BRSK2: variants seen among roughly 807,000 people sequenced by gnomAD.
BRSK2 encodes serine/threonine-protein kinase BRSK2.
Under a neutral mutation model 83.3 loss-of-function variants are expected in BRSK2, and 19 were observed. That is an observed-to-expected ratio of 0.23 (90% CI 0.16 to 0.33). The LOEUF is 0.33. BRSK2 is among the 10% of genes least tolerant of loss of function. The probability of loss-of-function intolerance (pLI) is 1.00; values close to 1 mark genes in which losing one functional copy is unlikely to be tolerated. For missense variants in BRSK2, 798 were observed against 1,042.3 expected, an observed-to-expected ratio of 0.77 and a Z score of 3.23; for synonymous variants, 519 against 435.4, an observed-to-expected ratio of 1.19 and a Z score of -2.39.
At position 1,458,809 on chromosome 11, in the gene BRSK2, T is replaced by C. The variant is rs140212275; in HGVS notation, c.1940-383T>C. ...AGGGCAGCCGGAAGCCACAGGGCCC[T>C]GGAGCTGCTGAGTGGCACAGTGAGG... On this transcript the variant is annotated intron_variant, in intron 18 of 19. Coordinates refer to ENST00000528841, the MANE Select transcript of BRSK2 (RefSeq NM_001256627.2). Among the ~76,000 whole-genome samples, 334 of 152,260 alleles carry C rather than the reference T, an allele frequency of 2.2e-3. 3 individuals carry two copies. Among genetic ancestry groups the C allele is most frequent in the Non-Finnish European group, 3.3e-3 (221 of 67,996 alleles).
chr11:1,454,408 A>G lies in BRSK2; in HGVS notation c.1545-77A>G. 6.4e-7 allele frequency: 1 copy of G among 1,560,028 alleles called. No homozygotes were observed. ...AGCGATGGAAGATTCCGCCGTTCCAACCCCAGATTCGAGGGAGGCAGGGGT... is the reference window on the plus strand; with the variant it reads ...AGCGATGGAAGATTCCGCCGTTCCAGCCCCAGATTCGAGGGAGGCAGGGGT... On this transcript the variant is annotated intron_variant, in intron 15 of 19. Transcript: ENST00000528841. This position sits in a 1 kb window ranked among gnomAD's most constrained non-coding sequence, Gnocchi z 5.2.
chr11:1,449,687 G>A, intron 12 of BRSK2, 89 bp from the exon 13 acceptor site: 2 of 1,190,984 alleles, frequency 1.7e-6, no homozygotes, highest in Non-Finnish European at 2.4e-6. Context: ...CAGGCCTCCT[G>A]GAGGGTTTAC....
At chr11:1,443,309 A>G in intron 6 of BRSK2, 26 bp from the exon 7 acceptor site, 1 of 1,592,326 alleles carries the variant, frequency 6.3e-7, no homozygotes, top group South Asian at 1.1e-5. Flanking sequence ...TGCGCCCCCC[A>G]ACAGCCCGGG....
rs758240213 is a variant in BRSK2 at position 1,442,482 on chromosome 11, C to T, written c.414-8C>T. The T allele has an allele frequency of 3.1e-6, 5 of 1,609,694 alleles. No individual in the cohort carries two copies. Among genetic ancestry groups the T allele is most frequent in the Admixed American group, 3.3e-5 (2 of 59,938 alleles). ...GGCCCTGTTCAGCCTCACCACCCTC[C>T]TCCCCAGCCACAGGGATCTGAAACC... is the stretch of plus-strand genomic sequence containing the variant. On this transcript the variant is annotated splice_polypyrimidine_tract_variant and splice_region_variant and intron_variant, in intron 4 of 19. Transcript: ENST00000528841.
rs537173445 is a variant in BRSK2 at position 1,455,058 on chromosome 11, C to A, written c.1668+450C>A. Among the ~76,000 whole-genome samples, 30 of 152,280 alleles carry A rather than the reference C, an allele frequency of 2.0e-4. 1 individual carries two copies. The South Asian group carries it at 6.0e-3, about 31-fold the overall frequency. ...CCCAGCCCTCAGGTGTCTCAGTTTC[C>A]CTGGTCTCACCCTGCCCTCGGAGGC... is the stretch of plus-strand genomic sequence containing the variant. On this transcript the variant is annotated intron_variant, in intron 16 of 19. Coordinates refer to ENST00000528841, the MANE Select transcript of BRSK2 (RefSeq NM_001256627.2).
chr11:1,422,258 C>A (rs910794221), intron 1 of BRSK2, among the ~76,000 whole-genome samples: 1 of 152,160 alleles, frequency 6.6e-6, no homozygotes, highest in African/African-American at 2.4e-5. Context: ...GCCCCCAGCC[C>A]CCTCCTGAGC....
At chr11:1,458,381 GCCC>G (rs1846918139) in intron 18 of BRSK2, among the ~76,000 whole-genome samples, 1 of 152,082 alleles carries the variant, frequency 6.6e-6, no homozygotes, top group Admixed American at 6.5e-5. Flanking sequence ...TCTATTCTGG[GCCC>G]CATCTATCTC....
intron 12 of BRSK2, 58 bp downstream of exon 12, chr11:1,445,965 G>A: frequency 1.3e-6 from 2 of 1,535,542 alleles, no homozygotes; most frequent in South Asian, 1.2e-5. Flanking sequence ...GCGCGGCACT[G>A]CCGCCTGGCT....
chr11:1,415,721 A>G (rs1003442060), intron 1 of BRSK2, among the ~76,000 whole-genome samples: 3 of 152,178 alleles, frequency 2.0e-5, no homozygotes, highest in Non-Finnish European at 4.4e-5. Flanking sequence ...ACTTTCCTTC[A>G]TAGAATTCAC....
chr11:1,445,944 G>GGGCCCTGGCTGCGC, intron 12 of BRSK2, 37 bp downstream of exon 12: 1 of 1,574,924 alleles, frequency 6.3e-7, no homozygotes, highest in Admixed American at 1.8e-5. Flanking sequence ...CTCCCTCCCT[G>GGGCCCTGGCTGCGC]GGCCCTGGCT....
intron 16 of BRSK2, among the ~76,000 whole-genome samples, chr11:1,455,693 C>G (rs1249131697): frequency 6.6e-6 from 1 of 152,084 alleles, no homozygotes; most frequent in Non-Finnish European, 1.5e-5. Context: ...GGCCTCCTCC[C>G]TCACCACATC....
chr11:1,451,683 G>T (rs1343128084), intron 15 of BRSK2, among the ~76,000 whole-genome samples: 1 of 152,210 alleles, frequency 6.6e-6, no homozygotes, highest in Non-Finnish European at 1.5e-5. Context: ...AGGCGAGCAG[G>T]GGGTACACTG....
At chr11:1,446,094 TGGGCTGGGCTGGGCTGG>T (rs1852045770) in intron 12 of BRSK2, among the ~76,000 whole-genome samples, 187 bp downstream of exon 12, 1 of 123,564 alleles carries the variant, frequency 8.1e-6, no homozygotes, top group Admixed American at 8.2e-5. Flanking sequence ...TGGGCTTAGC[TGGGCTGGGCTGGGCTGG>T]GAGCTGAGCT....
chr11:1,442,970 G>C, intron 5 of BRSK2, 136 bp from the exon 6 acceptor site: 1 of 1,042,934 alleles, frequency 9.6e-7, no homozygotes, highest in Non-Finnish European at 1.4e-6. Flanking sequence ...GCCCGCCTGG[G>C]GATGCAGGGA....
intron 15 of BRSK2, among the ~76,000 whole-genome samples, chr11:1,452,689 A>C (rs1845946497): frequency 6.6e-6 from 1 of 151,030 alleles, no homozygotes. Flanking sequence ...AGGGCCCGGC[A>C]CAGATGCCTG....
At chr11:1,397,649 G>T (rs970743655) in intron 1 of BRSK2, among the ~76,000 whole-genome samples, 3 of 152,222 alleles carry the variant, frequency 2.0e-5, no homozygotes, top group Non-Finnish European at 2.9e-5. Flanking sequence ...GGATGGCAAG[G>T]TCCCATCGGT....
rs1847609496 is a variant in BRSK2, at chr11:1,462,478, C to G, written c.*1755C>G. 6.6e-6 allele frequency: 1 copy of G among 152,290 alleles called. No homozygotes were observed. Among genetic ancestry groups the G allele is most frequent in the African/African-American group, 2.4e-5 (1 of 41,456 alleles). 9.4% of individuals were successfully genotyped at this position (152,290 alleles called of 1,614,324 possible). A position where few individuals can be genotyped will look rare whatever the true frequency, so the allele number is the denominator to read the frequency against. ...TAAGAACAAAAGCAAACACCTAGGA[C>G]AGCAAACGCCAGGCGGTACAGGCGG... On this transcript the variant is annotated 3_prime_UTR_variant, in exon 20 of 20. Coordinates refer to ENST00000528841, the MANE Select transcript of BRSK2 (RefSeq NM_001256627.2).
At chr11:1,415,046 G>C (rs950436641) in intron 1 of BRSK2, among the ~76,000 whole-genome samples, 1 of 151,852 alleles carries the variant, frequency 6.6e-6, no homozygotes, top group Non-Finnish European at 1.5e-5. Flanking sequence ...GGGTCCCTGA[G>C]CTCAGTTCCT....
chr11:1,426,263 TCCGGGGA>T (rs1849207977), intron 1 of BRSK2, among the ~76,000 whole-genome samples: 1 of 148,576 alleles, frequency 6.7e-6, no homozygotes, highest in South Asian at 2.2e-4. Flanking sequence ...TGGGGCGTGC[TCCGGGGA>T]TGTGTGTGGG....
Sources: allele counts gnomAD v4.1 joint callset (sites outside exome capture counted in the v4.1 genomes callset), GRCh38; gene constraint gnomAD v4.1.1; non-coding constraint Gnocchi (gnomAD v3.1); transcripts MANE v1.5; gene names NCBI Gene and HGNC (gene_info 2026-07-23, HGNC 2026-07-21).